Variants in MAML3 observed in about 807,000 individuals in gnomAD.
MAML3 encodes mastermind like transcriptional coactivator 3.
In MAML3, 27 loss-of-function variants were observed where a neutral mutation model predicts 101.9. The observed-to-expected ratio is 0.27, with a 90% confidence interval of 0.20 to 0.37. MAML3 has a LOEUF of 0.37. MAML3 is among the 10% of genes least tolerant of loss of function. The pLI, the probability that MAML3 is intolerant of heterozygous loss-of-function variation, is 1.00. For missense variants in MAML3, 1,316 were observed against 1,444.9 expected (o/e 0.91, Z 1.45); for synonymous variants, 501 against 555.9 (o/e 0.90, Z 1.39).
At position 139,733,999 on chromosome 4, in the gene MAML3, G is replaced by T. The variant is rs542598980; in HGVS notation, c.2080-3332C>A. 6.6e-5 allele frequency among the ~76,000 whole-genome samples: 10 copies of T among 152,298 alleles called. No individual in the cohort carries two copies. The South Asian group carries it at 2.1e-3, about 32-fold the overall frequency. The stretch of plus-strand genomic sequence containing the variant: ...GAGCCACTGCTCCCAGCCACTATGT[G>T]CATTCTTAAAGGACTGCCTTCCATA... On this transcript the variant is annotated intron_variant, in intron 2 of 4. Transcript: ENST00000509479.
intron 1 of MAML3, among the ~76,000 whole-genome samples, chr4:140,087,030 C>T (rs1304907124): frequency 1.3e-5 from 2 of 152,096 alleles, no homozygotes; most frequent in Admixed American, 6.5e-5. Flanking sequence ...CATAGTGGTG[C>T]GTGCCTGTAA....
rs183695297 is a variant in MAML3, at chr4:140,141,661, A to C, written c.468+11199T>G. ...GTTCCTCCTTCAGTAAAACCTCTTTAAGGGCCAGCTGAGAAAAAGGAACGT... is the reference window on the plus strand; with the variant it reads ...GTTCCTCCTTCAGTAAAACCTCTTTCAGGGCCAGCTGAGAAAAAGGAACGT... On this transcript the variant is annotated intron_variant, in intron 1 of 4. Transcript: ENST00000509479. Among the ~76,000 whole-genome samples, 919 of 152,340 alleles carry C rather than the reference A, an allele frequency of 6.0e-3. 9 individuals are homozygous for C. The highest frequency in any genetic ancestry group is 0.021 in the African/African-American group (865 of 41,562).
intron 1 of MAML3, among the ~76,000 whole-genome samples, chr4:140,025,225 T>C (rs896345169): frequency 2.0e-5 from 3 of 152,172 alleles, no homozygotes; most frequent in African/African-American, 7.2e-5. Context: ...CTAATATTGT[T>C]AGGCTTGATA....
rs148787595 is a variant in MAML3, at chr4:139,779,802, T to C, written c.2080-49135A>G. 2.2e-3 allele frequency among the ~76,000 whole-genome samples: 333 copies of C among 152,340 alleles called. 1 individual carries two copies. The highest frequency in any genetic ancestry group is 0.01 in the Middle Eastern group (3 of 294). ...AGTCATGGCAAATTGAGCTTGACAA[T>C]AACCAGGCTTGACTATGGAGGCCCT... is the stretch of plus-strand genomic sequence containing the variant. On this transcript the variant is annotated intron_variant, in intron 2 of 4. Transcript: ENST00000509479.
intron 1 of MAML3, among the ~76,000 whole-genome samples, chr4:139,994,781 T>TG (rs763019340): frequency 6.7e-6 from 1 of 149,852 alleles, no homozygotes; most frequent in South Asian, 2.1e-4. Flanking sequence ...GTGGTGCTGG[T>TG]GGGGGGTGTG....
chr4:140,060,426 T>C (rs1394032966), intron 1 of MAML3, among the ~76,000 whole-genome samples: 2 of 138,122 alleles, frequency 1.4e-5, no homozygotes, highest in Non-Finnish European at 3.1e-5. Flanking sequence ...TGAATCAAGA[T>C]GGGCTAAGTT....
rs547509331 is a variant in MAML3 at position 139,907,863 on chromosome 4, AC to A, written c.469-16897del. On this transcript the variant is annotated intron_variant, in intron 1 of 4. Transcript: ENST00000509479. ...CTTCACCGTGAATGATTTTGAGTAA[AC>A]GGCCTTAAGTGACATCAAGGGTCTG... Among the ~76,000 whole-genome samples, 28 of 152,308 alleles carry A rather than the reference AC, an allele frequency of 1.8e-4. No homozygotes were observed. The East Asian group carries it at 4.2e-3, about 23-fold the overall frequency.
At chr4:140,009,538 T>C (rs1032212473) in intron 1 of MAML3, among the ~76,000 whole-genome samples, 2 of 152,254 alleles carry the variant, frequency 1.3e-5, no homozygotes, top group Non-Finnish European at 2.9e-5. Context: ...TTAAGAATCA[T>C]TACATTAGTT....
intron 1 of MAML3, among the ~76,000 whole-genome samples, chr4:140,097,697 G>T (rs892225418): frequency 1.1e-4 from 17 of 151,978 alleles, no homozygotes; most frequent in Non-Finnish European, 1.5e-5. Flanking sequence ...TGATGGGAAA[G>T]AAGCTAAAGT....
At chr4:140,019,621 A>G (rs540006453) in intron 1 of MAML3, among the ~76,000 whole-genome samples, 3 of 152,320 alleles carry the variant, frequency 2.0e-5, no homozygotes, top group South Asian at 2.1e-4. Flanking sequence ...TAGAGCCTCA[A>G]TCTTTCCACT....
intron 1 of MAML3, among the ~76,000 whole-genome samples, chr4:140,147,119 G>T (rs1255438675): frequency 1.7e-5 from 2 of 115,908 alleles, no homozygotes; most frequent in African/African-American, 3.5e-5. Flanking sequence ...ACGGCAGAGT[G>T]AGACTCCATC....
intron 1 of MAML3, among the ~76,000 whole-genome samples, chr4:140,037,728 A>G (rs1727009490): frequency 1.3e-5 from 2 of 152,240 alleles, no homozygotes; most frequent in African/African-American, 4.8e-5. Context: ...GACAAGGCCC[A>G]CTGAGTTACA....
intron 1 of MAML3, among the ~76,000 whole-genome samples, chr4:140,033,877 A>G (rs949698602): frequency 6.6e-6 from 1 of 152,246 alleles, no homozygotes; most frequent in African/African-American, 2.4e-5. Flanking sequence ...TAAAGTGTGC[A>G]TTCTTATTTT....
intron 1 of MAML3, among the ~76,000 whole-genome samples, chr4:140,006,567 CA>C (rs1428610150): frequency 1.6e-5 from 2 of 125,948 alleles, no homozygotes; most frequent in African/African-American, 3.1e-5. Flanking sequence ...GCCTGGGTGA[CA>C]GAGCGAAACT....
intron 1 of MAML3, among the ~76,000 whole-genome samples, chr4:140,100,745 T>C (rs903185131): frequency 6.6e-6 from 1 of 152,188 alleles, no homozygotes; most frequent in African/African-American, 2.4e-5. Flanking sequence ...CCTTCTTCCA[T>C]GGACAGATGT....
intron 1 of MAML3, among the ~76,000 whole-genome samples, chr4:140,148,552 G>A (rs1042619569): frequency 6.6e-6 from 1 of 152,162 alleles, no homozygotes; most frequent in African/African-American, 2.4e-5. Context: ...CCATGCTAGC[G>A]GCAGAACAGG....
At chr4:140,121,192 C>T (rs1222326650) in intron 1 of MAML3, among the ~76,000 whole-genome samples, 1 of 152,074 alleles carries the variant, frequency 6.6e-6, no homozygotes, top group Non-Finnish European at 1.5e-5. Flanking sequence ...CAGTGGTATC[C>T]GAAGCAGAGA....
Position 139,976,826 on chromosome 4 carries a change from A to AT in MAML3, c.469-85860dup, listed in dbSNP as rs1041952075. The stretch of plus-strand genomic sequence containing the variant: ...AAATCAGTGGTTCTCAACTAGGGTG[A>AT]TTTTTTTTTCCCTCCAGGGCACATC... On this transcript the variant is annotated intron_variant, in intron 1 of 4. Transcript: ENST00000509479. 2.6e-4 allele frequency among the ~76,000 whole-genome samples: 40 copies of AT among 151,410 alleles called. 1 individual carries two copies. The highest frequency in any genetic ancestry group is 2.3e-3 in the South Asian group (11 of 4,780).
intron 2 of MAML3, among the ~76,000 whole-genome samples, chr4:139,779,395 T>G (rs1730158486): frequency 6.6e-6 from 1 of 152,188 alleles, no homozygotes; most frequent in South Asian, 2.1e-4. Flanking sequence ...GAAATAAATT[T>G]AGAAACTTAA....
Sources: allele counts gnomAD v4.1 joint callset (sites outside exome capture counted in the v4.1 genomes callset), GRCh38; gene constraint gnomAD v4.1.1; transcripts MANE v1.5; gene names NCBI Gene and HGNC (gene_info 2026-07-23, HGNC 2026-07-21).